MTUS2: variants seen among roughly 807,000 people sequenced by gnomAD.
The protein encoded by MTUS2 is microtubule-associated tumor suppressor candidate 2.
Under a neutral mutation model 114.1 loss-of-function variants are expected in MTUS2, and 40 were observed. That is an observed-to-expected ratio of 0.35 (90% CI 0.27 to 0.46). The LOEUF is 0.46. Ranked by LOEUF, MTUS2 falls within the 20% of genes least tolerant of loss-of-function variation. The pLI is 1.00. For missense variants in MTUS2, 1,679 were observed against 1,705.4 expected, an observed-to-expected ratio of 0.98 and a Z score of 0.27; for synonymous variants, 688 against 672.0, an observed-to-expected ratio of 1.02 and a Z score of -0.37.
At chr13:29,306,354 G>T (rs965926444) in intron 6 of MTUS2, among the ~76,000 whole-genome samples, 32 of 152,166 alleles carry the variant, frequency 2.1e-4, no homozygotes, top group African/African-American at 7.5e-4. Context: ...AAGTATCTTT[G>T]TTTGTAGGTG....
At chr13:29,168,956 T>C (rs1050898328) in intron 5 of MTUS2, among the ~76,000 whole-genome samples, 1 of 149,312 alleles carries the variant, frequency 6.7e-6, no homozygotes, top group Non-Finnish European at 1.5e-5. Context: ...TTCTAGGTCA[T>C]GTACAGGTCA....
chr13:29,239,854 C>T (rs1896669969), intron 5 of MTUS2: 1 of 152,128 alleles, frequency 6.6e-6, no homozygotes, highest in African/African-American at 2.4e-5. Context: ...TGGAGGTAAT[C>T]CAGGAGTGAG....
chr13:29,225,640 T>G (rs1896077890), intron 5 of MTUS2, among the ~76,000 whole-genome samples: 1 of 152,250 alleles, frequency 6.6e-6, no homozygotes, highest in South Asian at 2.1e-4. Context: ...ATGAATTCTC[T>G]TTAGTTTCCT....
intron 4 of MTUS2, among the ~76,000 whole-genome samples, chr13:29,065,986 C>A (rs1006050465): frequency 1.3e-5 from 2 of 151,968 alleles, no homozygotes; most frequent in African/African-American, 4.8e-5. Context: ...CTGTTTGTGT[C>A]TCTTTCTGTC....
intron 8 of MTUS2, among the ~76,000 whole-genome samples, chr13:29,377,443 T>C (rs767012632): frequency 2.6e-5 from 4 of 152,170 alleles, no homozygotes; most frequent in Non-Finnish European, 4.4e-5. Context: ...CATTGATTTG[T>C]GAGTTAAACA....
At chr13:29,260,851 G>A (rs973748239) in intron 5 of MTUS2, among the ~76,000 whole-genome samples, 4 of 152,176 alleles carry the variant, frequency 2.6e-5, no homozygotes, top group African/African-American at 7.2e-5. Context: ...CTTGGGTATG[G>A]AGAGAAAGGG....
intron 5 of MTUS2, among the ~76,000 whole-genome samples, chr13:29,139,678 T>C (rs1188393883): frequency 6.6e-6 from 1 of 152,182 alleles, no homozygotes; most frequent in Admixed American, 6.6e-5. Context: ...TATTGCATTG[T>C]CTTATATTAT....
rs1424838911 is a variant in MTUS2, at chr13:29,026,711, G to A, written c.2013G>A (p.Pro671=). The change falls in exon 3 of 16, where the codon CCG becomes CCA. Residue 671 remains proline (P), a synonymous_variant. Coordinates refer to ENST00000612955, the MANE Select transcript of MTUS2 (RefSeq NM_001033602.4). ...TTCCAGTGGGGCTTCCATATGCCCC[G>A]CCCACATGTACCATGCCTCTTCCCC... ...SLVPVGLPYA[P]PTCTMPLPHE... is the part of the protein sequence containing the mutation. The A allele has an allele frequency of 5.6e-6, 9 of 1,613,812 alleles. No individual in the cohort carries two copies. The highest frequency in any genetic ancestry group is 2.2e-5 in the East Asian group (1 of 44,878).
intron 5 of MTUS2, among the ~76,000 whole-genome samples, chr13:29,158,358 C>G (rs548537193): frequency 3.1e-5 from 1 of 32,048 alleles, no homozygotes; most frequent in Non-Finnish European, 5.1e-5. Flanking sequence ...GTCCACCCCG[C>G]TTTTTTTTTT....
At chr13:29,299,191 T>A (rs896541639) in intron 6 of MTUS2, among the ~76,000 whole-genome samples, 1 of 152,216 alleles carries the variant, frequency 6.6e-6, no homozygotes, top group African/African-American at 2.4e-5. Flanking sequence ...ATCTGTCTAC[T>A]TCATCATTTG....
intron 8 of MTUS2, among the ~76,000 whole-genome samples, chr13:29,417,326 G>C (rs1351757680): frequency 2.6e-5 from 4 of 152,164 alleles, no homozygotes; most frequent in Admixed American, 2.6e-4. Flanking sequence ...CTTCCACCAG[G>C]TCCCACCTTC....
chr13:28,975,799 AT>A (rs1465816044), intron 2 of MTUS2, among the ~76,000 whole-genome samples: 9 of 152,106 alleles, frequency 5.9e-5, no homozygotes, highest in Admixed American at 5.9e-4. Context: ...AACTCAGCTT[AT>A]TTTTTGCTTT....
At chr13:29,302,897 T>C (rs1489646010) in intron 6 of MTUS2, among the ~76,000 whole-genome samples, 3 of 152,176 alleles carry the variant, frequency 2.0e-5, no homozygotes, top group Admixed American at 6.5e-5. Flanking sequence ...TACAGGTACA[T>C]GAAGGCTGGC....
intron 5 of MTUS2, among the ~76,000 whole-genome samples, chr13:29,216,847 A>G (rs1050893816): frequency 6.6e-6 from 1 of 152,182 alleles, no homozygotes; most frequent in Non-Finnish European, 1.5e-5. Flanking sequence ...TTTACAGCTC[A>G]CCAGTTTTAC....
chr13:28,928,490 T>C (rs1381497098), intron 2 of MTUS2, among the ~76,000 whole-genome samples: 2 of 152,172 alleles, frequency 1.3e-5, no homozygotes, highest in African/African-American at 4.8e-5. Flanking sequence ...GGCCAGCAGA[T>C]ATATGAAAAA....
intron 8 of MTUS2, among the ~76,000 whole-genome samples, chr13:29,372,778 T>C (rs1204780473): frequency 6.6e-6 from 1 of 152,142 alleles, no homozygotes; most frequent in African/African-American, 2.4e-5. Flanking sequence ...AGAATGACCA[T>C]TACTTATATG....
At chr13:28,873,199 A>G (rs1011902211) in intron 2 of MTUS2, among the ~76,000 whole-genome samples, 1 of 152,202 alleles carries the variant, frequency 6.6e-6, no homozygotes, top group Non-Finnish European at 1.5e-5. Context: ...ATTGAATAAT[A>G]TATTTCGGTG....
At position 29,377,848 on chromosome 13, in the gene MTUS2, A is replaced by G. The variant is rs3125707; in HGVS notation, c.3117+18375A>G. On this transcript the variant is annotated intron_variant, in intron 8 of 15. Transcript: ENST00000612955. ...AAAAGCTGGTTCTTTGAAGTGGTCAATGAAACTGATAAACCTATAGTAAGA... is the reference window on the plus strand; with the variant it reads ...AAAAGCTGGTTCTTTGAAGTGGTCAGTGAAACTGATAAACCTATAGTAAGA... Among the ~76,000 whole-genome samples the G allele has an allele frequency of 3.9e-3, 590 of 152,334 alleles. 3 individuals carry two copies. The highest frequency in any genetic ancestry group is 0.013 in the African/African-American group (555 of 41,584).
chr13:28,985,790 C>T (rs1345766572), intron 2 of MTUS2, among the ~76,000 whole-genome samples: 1 of 152,064 alleles, frequency 6.6e-6, no homozygotes, highest in Non-Finnish European at 1.5e-5. Flanking sequence ...ATTGATCCTC[C>T]ATGATGTGGG....
Sources: allele counts gnomAD v4.1 joint callset (sites outside exome capture counted in the v4.1 genomes callset), GRCh38; gene constraint gnomAD v4.1.1; transcripts MANE v1.5; gene names NCBI Gene and HGNC (gene_info 2026-07-23, HGNC 2026-07-21).